Variants in TSHZ3 observed in about 807,000 individuals in gnomAD.
The protein encoded by TSHZ3 is teashirt zinc finger homeobox 3, also known as teashirt homolog 3.
In TSHZ3, 10 loss-of-function variants were observed where a neutral mutation model predicts 64.5. The observed-to-expected ratio is 0.16, with a 90% CI of 0.10 to 0.26. TSHZ3 has a LOEUF of 0.26. Ranked by LOEUF, TSHZ3 falls within the 10% of genes least tolerant of loss-of-function variation. The pLI, the probability that TSHZ3 is intolerant of heterozygous loss-of-function variation, is 1.00. For synonymous variants in TSHZ3, 608 were observed against 593.1 expected (o/e 1.03, Z -0.36); for missense variants, 1,242 against 1,421.7 (o/e 0.87, Z 2.03).
chr19:31,349,766 C>T (rs1399903658), upstream of TSHZ3, among the ~76,000 whole-genome samples: 1 of 148,618 alleles, frequency 6.7e-6, no homozygotes, highest in Non-Finnish European at 1.5e-5. Flanking sequence ...CGGGGGGACG[C>T]GCAGCCGCCG....
intron 1 of TSHZ3, among the ~76,000 whole-genome samples, chr19:31,311,187 C>G (rs1916447980): frequency 6.6e-6 from 1 of 152,224 alleles, no homozygotes; most frequent in Non-Finnish European, 1.5e-5. Context: ...TTTAGATACT[C>G]TTATAAAAAG....
At chr19:31,326,981 G>A (rs1916949711) in intron 1 of TSHZ3, among the ~76,000 whole-genome samples, 1 of 152,142 alleles carries the variant, frequency 6.6e-6, no homozygotes, top group Admixed American at 6.5e-5. Context: ...GAACGCCAGA[G>A]AAGGCATCCT....
intron 1 of TSHZ3, among the ~76,000 whole-genome samples, chr19:31,284,830 C>T (rs138725915): frequency 3.9e-5 from 6 of 152,308 alleles, no homozygotes; most frequent in East Asian, 1.9e-4. Context: ...CCCTACCGTC[C>T]GGCCCAGAGT....
chr19:31,317,634 G>A (rs542755548), intron 1 of TSHZ3, among the ~76,000 whole-genome samples: 54 of 152,298 alleles, frequency 3.5e-4, no homozygotes, highest in African/African-American at 1.3e-3. Flanking sequence ...GGTGTGAGGA[G>A]AACAGCAGGG....
chr19:31,174,777 G>C lies in TSHZ3; in HGVS notation n.810-18360C>G, dbSNP rs571064272. ...CAAGGTGACATTGGTATGGAGGGGA[G>C]AGGGTACTTGATGAGAACCAGAAGG... On this transcript the variant is annotated intron_variant and non_coding_transcript_variant, in intron 5 of 6. Transcript: ENST00000651361. Among the ~76,000 whole-genome samples the C allele has an allele frequency of 5.0e-4, 76 of 152,356 alleles. No individual in the cohort carries two copies. The Middle Eastern group carries it at 0.014, about 27-fold the overall frequency.
chr19:31,260,674 G>A (rs1440978555), intron 1 of TSHZ3, among the ~76,000 whole-genome samples: 1 of 152,228 alleles, frequency 6.6e-6, no homozygotes, highest in Non-Finnish European at 1.5e-5. Flanking sequence ...GGGCTAGGCT[G>A]GCAGAGTGCA....
chr19:31,240,615 A>G (rs573227144), intron 3 of TSHZ3, among the ~76,000 whole-genome samples: 1 of 152,340 alleles, frequency 6.6e-6, no homozygotes, highest in East Asian at 1.9e-4. Context: ...TACAGATTTT[A>G]TGAAATAATC....
chr19:31,182,503 A>G (rs1379454259), intron 5 of TSHZ3, among the ~76,000 whole-genome samples: 2 of 152,110 alleles, frequency 1.3e-5, no homozygotes, highest in African/African-American at 2.4e-5. Flanking sequence ...AAAAATCCAA[A>G]TCCTAGGCAG....
At chr19:31,320,878 T>C (rs777910124) in intron 1 of TSHZ3, among the ~76,000 whole-genome samples, 3 of 152,112 alleles carry the variant, frequency 2.0e-5, no homozygotes, top group Admixed American at 6.5e-5. Flanking sequence ...TCCTGCGCAG[T>C]GTTCAATTCT....
intron 3 of TSHZ3, among the ~76,000 whole-genome samples, chr19:31,240,479 C>G (rs1975672803): frequency 6.6e-6 from 1 of 152,102 alleles, no homozygotes; most frequent in Admixed American, 6.5e-5. Context: ...ATATTTGTTT[C>G]CGCATTTAAT....
At chr19:31,203,587 A>G (rs964611028) in intron 5 of TSHZ3, among the ~76,000 whole-genome samples, 8 of 152,098 alleles carry the variant, frequency 5.3e-5, no homozygotes, top group Non-Finnish European at 1.0e-4. Flanking sequence ...GTCCTTAAAC[A>G]TGAGTCTCAG....
At chr19:31,190,908 T>A (rs1287978446) in intron 5 of TSHZ3, among the ~76,000 whole-genome samples, 1 of 151,908 alleles carries the variant, frequency 6.6e-6, no homozygotes, top group Non-Finnish European at 1.5e-5. Context: ...AAAAATGTAA[T>A]CTGAAATGAA....
chr19:31,266,213 C>A (rs564500401), intron 1 of TSHZ3, among the ~76,000 whole-genome samples: 2 of 152,156 alleles, frequency 1.3e-5, no homozygotes, highest in African/African-American at 2.4e-5. Context: ...AGGAGAGAGA[C>A]TGTATCTCTC....
At chr19:31,255,453 C>T (rs556935821) in intron 1 of TSHZ3, among the ~76,000 whole-genome samples, 8 of 152,112 alleles carry the variant, frequency 5.3e-5, no homozygotes, top group Non-Finnish European at 8.8e-5. Flanking sequence ...TTTGCGTCTG[C>T]CTCAAAATCA....
intron 1 of TSHZ3, among the ~76,000 whole-genome samples, chr19:31,341,611 T>TCA (rs1917437108): frequency 8.7e-6 from 1 of 115,422 alleles, no homozygotes; most frequent in South Asian, 2.8e-4. Context: ...ATGCACTCAC[T>TCA]CTCTCTCTCT....
chr19:31,296,509 T>C (rs575743176), intron 1 of TSHZ3, among the ~76,000 whole-genome samples: 1 of 152,044 alleles, frequency 6.6e-6, no homozygotes, highest in Admixed American at 6.5e-5. Context: ...TAATTTTTTG[T>C]ATTTTTAGTA....
At chr19:31,255,786 G>A (rs974687602) in intron 1 of TSHZ3, among the ~76,000 whole-genome samples, 10 of 152,124 alleles carry the variant, frequency 6.6e-5, no homozygotes, top group African/African-American at 2.4e-4. Flanking sequence ...AGAAATCTGG[G>A]GGCATCTCAT....
intron 1 of TSHZ3, among the ~76,000 whole-genome samples, chr19:31,289,408 G>A (rs1358437025): frequency 6.6e-6 from 1 of 152,188 alleles, no homozygotes; most frequent in Non-Finnish European, 1.5e-5. Flanking sequence ...AAGAAAGCCA[G>A]ACAGAAAAGA....
At chr19:31,170,720 C>T (rs1279769332) in intron 5 of TSHZ3, among the ~76,000 whole-genome samples, 1 of 152,194 alleles carries the variant, frequency 6.6e-6, no homozygotes, top group Non-Finnish European at 1.5e-5. Flanking sequence ...CCCACAGGGG[C>T]CCTGTTGTCT....
Sources: gnomAD v4.1 joint callset for allele counts (sites outside exome capture counted in the v4.1 genomes callset) on GRCh38, gnomAD v4.1.1 for gene constraint, MANE v1.5 for transcripts, NCBI Gene and HGNC (gene_info 2026-07-23, HGNC 2026-07-21) for gene names.